Variants in NRK observed in about 807,000 individuals in gnomAD.
NRK encodes the protein nik-related protein kinase.
Under a neutral mutation model 125.2 loss-of-function variants are expected in NRK, and 67 were observed. The ratio of observed to expected loss-of-function variants is 0.54; its 90% CI spans 0.44 to 0.66. NRK has a LOEUF of 0.66. Among genes scored for constraint, NRK ranks in the 30% least tolerant of loss-of-function variants. NRK has a pLI of 0.00. For missense variants in NRK, 1,224 were observed against 1,192.9 expected (o/e 1.03, Z -0.38); for synonymous variants, 458 against 429.0 (o/e 1.07, Z -0.84).
At chrX:105,948,086 T>A (rs908275560) in intron 26 of NRK, among the ~76,000 whole-genome samples, 16 of 111,435 alleles carry the variant, frequency 1.4e-4, no homozygotes, top group African/African-American at 4.6e-4. Context: ...CTTTTTTTTT[T>A]AAATGTTGCG....
intron 16 of NRK, among the ~76,000 whole-genome samples, chrX:105,919,050 T>C (rs1386630205): frequency 2.0e-5 from 2 of 98,953 alleles, no homozygotes; most frequent in Non-Finnish European, 4.1e-5. Context: ...TGTCAGAAGA[T>C]GGGGACACAA....
intron 23 of NRK, among the ~76,000 whole-genome samples, chrX:105,942,634 T>C (rs2040757858): frequency 9.0e-6 from 1 of 111,708 alleles, no homozygotes; most frequent in South Asian, 3.8e-4. Context: ...CTTTTTTTCT[T>C]TTGAGGCAGA....
rs1733767195 is a variant in NRK, at chrX:105,935,258, T to TA, written c.3594dup (p.Pro1199ThrfsTer7). The TA allele has an allele frequency of 8.4e-7, 1 of 1,196,720 alleles. No individual in the cohort carries two copies. The highest frequency in any genetic ancestry group is 1.1e-6 in the Non-Finnish European group (1 of 884,051). On this transcript the variant is annotated frameshift_variant, in exon 21 of 29. Coordinates refer to ENST00000243300, the MANE Select transcript of NRK (RefSeq NM_198465.4). LOFTEE classifies it high-confidence loss of function. ...ACCCACTCTATGTCTCTCCTGCATG[T>TA]AAAAAACCACTAATCCACATGTATG... is the stretch of plus-strand genomic sequence containing the variant.
intron 2 of NRK, among the ~76,000 whole-genome samples, chrX:105,845,776 C>T (rs2039392476): frequency 9.0e-6 from 1 of 111,328 alleles, no homozygotes; most frequent in African/African-American, 3.3e-5. Context: ...GTCTTCTGGT[C>T]CCAGAACAGC....
At chrX:105,838,275 C>T (rs2039290062) in intron 2 of NRK, among the ~76,000 whole-genome samples, 2 of 111,089 alleles carry the variant, frequency 1.8e-5, no homozygotes, top group Admixed American at 1.9e-4. Context: ...TCTGTTTTAC[C>T]ACCTGATAGT....
At chrX:105,941,338 A>G (rs929040417) in intron 23 of NRK, among the ~76,000 whole-genome samples, 3 of 111,496 alleles carry the variant, frequency 2.7e-5, no homozygotes, top group Admixed American at 1.9e-4. Flanking sequence ...TAGGAAGACA[A>G]GAACAAATCA....
At chrX:105,955,358 A>G in intron 28 of NRK, 147 bp from the exon 29 acceptor site, 1 of 363,195 alleles carries the variant, frequency 2.8e-6, no homozygotes, top group Non-Finnish European at 4.9e-6. Context: ...AAGTAAACTC[A>G]TTCTTTCATT....
chrX:105,906,452 TA>T lies in NRK; in HGVS notation c.890del (p.Asn297IlefsTer20), dbSNP rs1321315147. On this transcript the variant is annotated frameshift_variant, in exon 11 of 29. Transcript: ENST00000243300. LOFTEE classifies it high-confidence loss of function. ...KFHNFMEKCT[I>X]KNFLFRPTSA... ...CACAATTTCATGGAAAAGTGTACGA[TA>T]AAAAATTTCCTGTTTCGTCCTACTT... 8.5e-7 allele frequency: 1 copy of T among 1,173,072 alleles called. No homozygotes were observed.
intron 4 of NRK, among the ~76,000 whole-genome samples, chrX:105,883,842 T>G (rs1267989023): frequency 8.9e-6 from 1 of 112,967 alleles, no homozygotes; most frequent in Non-Finnish European, 1.9e-5. Flanking sequence ...TAATTGAAAC[T>G]GAGAGTGCGT....
At position 105,916,879 on chromosome X, in the gene NRK, T is replaced by A. The variant is rs147557700; in HGVS notation, c.2418-699T>A. On this transcript the variant is annotated intron_variant, in intron 15 of 28. Coordinates refer to ENST00000243300, the MANE Select transcript of NRK (RefSeq NM_198465.4). ...TTTATGAATAACAAATACGTTGCCT[T>A]TAAATATAGTTAAATTTAAAAAGTT... Among the ~76,000 whole-genome samples, 211 of 111,745 alleles carry A rather than the reference T, an allele frequency of 1.9e-3. 6 individuals carry two copies. The East Asian group carries it at 0.054, about 28-fold the overall frequency.
Position 105,847,033 on chromosome X carries a change from G to A in NRK, c.123+15914G>A, listed in dbSNP as rs1022200295. Reference sequence around the variant, plus strand: ...AGTCATGCAGTAAATGTCTGAGCCAGGTCTGTAATGAGATATCCCTGGCCT... The same window carrying A: ...AGTCATGCAGTAAATGTCTGAGCCAAGTCTGTAATGAGATATCCCTGGCCT... On this transcript the variant is annotated intron_variant, in intron 2 of 28. Coordinates refer to ENST00000243300, the MANE Select transcript of NRK (RefSeq NM_198465.4). Among the ~76,000 whole-genome samples the A allele has an allele frequency of 8.9e-5, 10 of 111,953 alleles. No homozygotes were observed. The Admixed American group carries it at 9.5e-4, about 11-fold the overall frequency.
At chrX:105,843,144 T>A (rs1229971532) in intron 2 of NRK, among the ~76,000 whole-genome samples, 1 of 111,887 alleles carries the variant, frequency 8.9e-6, no homozygotes, top group African/African-American at 3.2e-5. Flanking sequence ...AAGGGATAAA[T>A]GGCAAGCAGA....
At chrX:105,856,686 A>T (rs1231665048) in intron 2 of NRK, among the ~76,000 whole-genome samples, 5 of 111,774 alleles carry the variant, frequency 4.5e-5, no homozygotes, top group African/African-American at 1.6e-4. Flanking sequence ...CAGTATCTAA[A>T]CTTCTCTATA....
chrX:105,850,263 G>A (rs1210846370), intron 2 of NRK, among the ~76,000 whole-genome samples: 3 of 112,078 alleles, frequency 2.7e-5, no homozygotes, highest in Non-Finnish European at 5.6e-5. Context: ...AGCTGGAGCG[G>A]CTGGGACACA....
intron 21 of NRK, among the ~76,000 whole-genome samples, chrX:105,935,649 G>C (rs938911609): frequency 4.6e-5 from 5 of 108,902 alleles, no homozygotes; most frequent in African/African-American, 1.7e-4. Context: ...AATTAGCTGG[G>C]TGTGGTGGCA....
intron 16 of NRK, among the ~76,000 whole-genome samples, chrX:105,918,528 G>T (rs894900402): frequency 9.0e-6 from 1 of 111,486 alleles, no homozygotes; most frequent in Non-Finnish European, 1.9e-5. Flanking sequence ...TCAGATTATG[G>T]CAGAGTTCTT....
At chrX:105,844,848 T>A (rs1426518984) in intron 2 of NRK, among the ~76,000 whole-genome samples, 1 of 111,975 alleles carries the variant, frequency 8.9e-6, no homozygotes, top group Non-Finnish European at 1.9e-5. Flanking sequence ...AACAGGAGAA[T>A]TTATGATTTT....
chrX:105,954,324 C>T (rs2040944753), intron 28 of NRK, among the ~76,000 whole-genome samples: 1 of 110,747 alleles, frequency 9.0e-6, no homozygotes, highest in Non-Finnish European at 1.9e-5. Flanking sequence ...ATAGAGCAAA[C>T]TCTGTAAAGG....
chrX:105,905,100 G>A (rs959881694), intron 9 of NRK, among the ~76,000 whole-genome samples, 165 bp from the exon 10 acceptor site: 36 of 111,989 alleles, frequency 3.2e-4, no homozygotes, highest in Middle Eastern at 4.7e-3. Context: ...GCATTAAAAC[G>A]AGCTTTTCTT....
Sources: gnomAD v4.1 joint callset for allele counts (sites outside exome capture counted in the v4.1 genomes callset) on GRCh38, gnomAD v4.1.1 for gene constraint, MANE v1.5 for transcripts, NCBI Gene and HGNC (gene_info 2026-07-23, HGNC 2026-07-21) for gene names.